Variants in PLXNA2 observed in about 807,000 individuals in gnomAD.
PLXNA2 encodes the protein plexin A2, also known as plexin-A2.
In PLXNA2, 91 loss-of-function variants were observed where a neutral mutation model predicts 193.5. The ratio of observed to expected loss-of-function variants is 0.47; its 90% confidence interval spans 0.40 to 0.56. The LOEUF is 0.56. Ranked by LOEUF, PLXNA2 falls within the 20% of genes least tolerant of loss-of-function variation. The pLI, the probability that PLXNA2 is intolerant of heterozygous loss-of-function variation, is 0.00. For missense variants in PLXNA2, 1,995 were observed against 2,503.2 expected (o/e 0.80, Z 4.33); for synonymous variants, 997 against 1,027.3 (o/e 0.97, Z 0.56).
chr1:208,063,700 A>T (rs1665690219), intron 12 of PLXNA2, among the ~76,000 whole-genome samples: 1 of 152,174 alleles, frequency 6.6e-6, no homozygotes, highest in African/African-American at 2.4e-5. Flanking sequence ...TTCAGGAGAC[A>T]ACTAAGCAAC....
At chr1:208,166,229 A>T (rs1669303156) in intron 3 of PLXNA2, among the ~76,000 whole-genome samples, 1 of 152,264 alleles carries the variant, frequency 6.6e-6, no homozygotes, top group Admixed American at 6.5e-5. Context: ...TCCCAGTCAC[A>T]GATTTGCTAC....
chr1:208,027,076 C>T lies in PLXNA2; in HGVS notation c.*167G>A, dbSNP rs971070732. On this transcript the variant is annotated 3_prime_UTR_variant, in exon 32 of 32. Coordinates refer to ENST00000367033, the MANE Select transcript of PLXNA2 (RefSeq NM_025179.4). ...CTCTCCCAGCTGGAACTGGCTATGA[C>T]GAAACTTGGCTGGCGTAGGGAGAGG... The T allele has an allele frequency of 2.6e-4, 155 of 596,430 alleles. No homozygotes were observed. Among genetic ancestry groups the T allele is most frequent in the East Asian group, 1.4e-3 (48 of 33,696 alleles). 36.9% of individuals were successfully genotyped at this position (596,430 alleles called of 1,614,324 possible). A position where few individuals can be genotyped will look rare whatever the true frequency, so the allele number is the denominator to read the frequency against.
intron 14 of PLXNA2, 80 bp from the exon 15 acceptor site, chr1:208,052,543 G>T: frequency 7.0e-7 from 1 of 1,427,300 alleles, no homozygotes; most frequent in South Asian, 1.2e-5. Context: ...AAGGATGGGA[G>T]AGATTGTTTT....
chr1:208,223,401 G>A (rs371820442), intron 1 of PLXNA2, among the ~76,000 whole-genome samples: 21 of 152,168 alleles, frequency 1.4e-4, no homozygotes, highest in Non-Finnish European at 2.8e-4. Flanking sequence ...AGTTAGTTAC[G>A]TTTTGCCTTC....
chr1:208,060,656 T>G (rs776086708), intron 13 of PLXNA2, 30 bp downstream of exon 13: 157 of 1,589,144 alleles, frequency 9.9e-5, no homozygotes, highest in Non-Finnish European at 1.3e-4. Flanking sequence ...GAAGCTCCCA[T>G]GGGAAAAGGG....
chr1:208,094,726 G>A (rs773254822), intron 8 of PLXNA2, among the ~76,000 whole-genome samples: 1 of 152,178 alleles, frequency 6.6e-6, no homozygotes, highest in African/African-American at 2.4e-5. Flanking sequence ...GTTCCCACCA[G>A]GCCATTTCTA....
rs6540453 is a variant in PLXNA2 at position 208,082,532 on chromosome 1, T to C, written c.2299-24A>G. ...TACTATAGGGAGACGGGCAGAGGCATGGGGCTCATGTGGCTCTCTATCACA... is the reference window on the plus strand; with the variant it reads ...TACTATAGGGAGACGGGCAGAGGCACGGGGCTCATGTGGCTCTCTATCACA... On this transcript the variant is annotated intron_variant, in intron 10 of 31. Transcript: ENST00000367033. The surrounding 1 kb of genome is among the most constrained non-coding windows in gnomAD (Gnocchi z 4.2). 0.67 allele frequency: 1,064,703 copies of C among 1,582,448 alleles called. 362,533 individuals are homozygous for C. Among genetic ancestry groups the C allele is most frequent in the Non-Finnish European group, 0.7 (806,109 of 1,152,828 alleles).
At chr1:208,046,229 C>G (rs1665060128) in intron 17 of PLXNA2, 112 bp from the exon 18 acceptor site, 4 of 1,336,038 alleles carry the variant, frequency 3.0e-6, no homozygotes, top group Non-Finnish European at 4.0e-6. Context: ...ACTGGGTTTA[C>G]TTGCTTGTCT....
intron 3 of PLXNA2, among the ~76,000 whole-genome samples, chr1:208,172,749 TC>T (rs1246232429): frequency 6.6e-6 from 1 of 151,992 alleles, no homozygotes; most frequent in Non-Finnish European, 1.5e-5. Flanking sequence ...TACCTGGGAG[TC>T]CCTGCAGGAG....
rs769777424 is a variant in PLXNA2 at position 208,103,263 on chromosome 1, A to G, written c.1507-16T>C. 3.1e-6 allele frequency: 5 copies of G among 1,599,598 alleles called. No individual in the cohort carries two copies. Among genetic ancestry groups the G allele is most frequent in the Non-Finnish European group, 4.3e-6 (5 of 1,168,216 alleles). On this transcript the variant is annotated splice_polypyrimidine_tract_variant and intron_variant, in intron 4 of 31. Coordinates refer to ENST00000367033, the MANE Select transcript of PLXNA2 (RefSeq NM_025179.4). Reference sequence around the variant, plus strand: ...CCCTGGTGACCTGGCAGAGAGAGCAAAGAGGGTACAGTGAGGTTAGGCTGT... The same window carrying G: ...CCCTGGTGACCTGGCAGAGAGAGCAGAGAGGGTACAGTGAGGTTAGGCTGT...
At chr1:208,225,976 A>G (rs1414952262) in intron 1 of PLXNA2, among the ~76,000 whole-genome samples, 1 of 152,198 alleles carries the variant, frequency 6.6e-6, no homozygotes, top group African/African-American at 2.4e-5. Context: ...GGGAGGAGAA[A>G]GGCACTCAAA....
At chr1:208,070,145 C>T (rs1478229997) in intron 12 of PLXNA2, among the ~76,000 whole-genome samples, 3 of 152,266 alleles carry the variant, frequency 2.0e-5, no homozygotes, top group African/African-American at 4.8e-5. Flanking sequence ...GCCTGCTCTT[C>T]GCTTCTGTCT....
chr1:208,076,150 C>G (rs1571888906), intron 12 of PLXNA2, among the ~76,000 whole-genome samples: 1 of 151,958 alleles, frequency 6.6e-6, no homozygotes, highest in South Asian at 2.1e-4. Context: ...TCACTGTAGC[C>G]TCGGACTTCT....
chr1:208,233,862 G>A (rs529332109), intron 1 of PLXNA2, among the ~76,000 whole-genome samples: 27 of 152,320 alleles, frequency 1.8e-4, no homozygotes, highest in African/African-American at 6.0e-4. Flanking sequence ...GGCTTGCTGT[G>A]GATGGAGGAA....
intron 4 of PLXNA2, among the ~76,000 whole-genome samples, chr1:208,135,319 T>C (rs1668270075): frequency 1.3e-5 from 2 of 152,190 alleles, no homozygotes; most frequent in South Asian, 4.1e-4. Flanking sequence ...GCCAGTTTCC[T>C]GTAATCCATG....
At chr1:208,125,535 A>AT (rs1667947914) in intron 4 of PLXNA2, among the ~76,000 whole-genome samples, 1 of 152,216 alleles carries the variant, frequency 6.6e-6, no homozygotes, top group African/African-American at 2.4e-5. Flanking sequence ...AATTTTCTCC[A>AT]TTAATCTGGG....
chr1:208,203,286 C>T (rs1298759518), intron 3 of PLXNA2, among the ~76,000 whole-genome samples: 1 of 152,146 alleles, frequency 6.6e-6, no homozygotes, highest in Non-Finnish European at 1.5e-5. Context: ...GTGGTGAGCT[C>T]CCTGAACCAC....
chr1:208,244,172 C>T lies in PLXNA2; in HGVS notation c.-610G>A, dbSNP rs572873655. ...TGCGGCGCTCGCACGCCCTACCGCT[C>T]CCAAGCTCTCGGGGTCTCTCTCCGG... On this transcript the variant is annotated 5_prime_UTR_variant, in exon 1 of 32. Coordinates refer to ENST00000367033, the MANE Select transcript of PLXNA2 (RefSeq NM_025179.4). 2.4e-4 allele frequency: 37 copies of T among 156,362 alleles called. No homozygotes were observed. Among genetic ancestry groups the T allele is most frequent in the African/African-American group, 8.9e-4 (37 of 41,608 alleles). 9.7% of individuals were successfully genotyped at this position (156,362 alleles called of 1,614,324 possible).
intron 1 of PLXNA2, among the ~76,000 whole-genome samples, chr1:208,233,275 G>A (rs1255046214): frequency 1.3e-5 from 2 of 152,152 alleles, no homozygotes; most frequent in African/African-American, 4.8e-5. Flanking sequence ...ATAAACACTC[G>A]TTCAGTCAAA....
Sources: gnomAD v4.1 joint callset for allele counts (sites outside exome capture counted in the v4.1 genomes callset) on GRCh38, gnomAD v4.1.1 for gene constraint, Gnocchi (gnomAD v3.1) non-coding constraint, MANE v1.5 for transcripts, NCBI Gene and HGNC (gene_info 2026-07-23, HGNC 2026-07-21) for gene names.